Variants in ATXN1 observed in about 807,000 individuals in gnomAD.
ATXN1 encodes the protein ataxin 1.
A neutral mutation model predicts 56.4 loss-of-function variants in ATXN1; 8 were observed. That is an observed-to-expected ratio of 0.14 (90% CI 0.08 to 0.26). The LOEUF (loss-of-function observed/expected upper bound fraction) is 0.26, where lower values mean the gene tolerates loss of function less well. ATXN1 is among the 10% of genes least tolerant of loss of function. ATXN1 has a pLI of 1.00. For missense variants in ATXN1, 987 were observed against 1,106.5 expected (o/e 0.89, Z 1.53); for synonymous variants, 514 against 494.6 (o/e 1.04, Z -0.52).
intron 1 of ATXN1, among the ~76,000 whole-genome samples, chr6:16,753,560 C>T (rs1184183829): frequency 6.6e-6 from 1 of 152,192 alleles, no homozygotes; most frequent in Non-Finnish European, 1.5e-5. Flanking sequence ...GGGAGGCCAA[C>T]ATACAAAAAG....
intron 3 of ATXN1, among the ~76,000 whole-genome samples, chr6:16,592,106 C>T (rs964563285): frequency 3.3e-5 from 5 of 152,054 alleles, no homozygotes; most frequent in Non-Finnish European, 7.4e-5. Context: ...ACCTCCCCAC[C>T]ACCAGCCTGT....
chr6:16,687,543 C>T (rs1758942770), intron 2 of ATXN1, among the ~76,000 whole-genome samples: 1 of 151,282 alleles, frequency 6.6e-6, no homozygotes, highest in South Asian at 2.1e-4. Flanking sequence ...AGAGATTAAA[C>T]TCAGAGTTGT....
intron 4 of ATXN1, among the ~76,000 whole-genome samples, chr6:16,583,613 G>A (rs1331171068): frequency 6.6e-6 from 1 of 152,202 alleles, no homozygotes; most frequent in Non-Finnish European, 1.5e-5. Flanking sequence ...CAAGGCACTT[G>A]CTGTACCACA....
chr6:16,417,017 C>T (rs1414328182), intron 6 of ATXN1, among the ~76,000 whole-genome samples: 1 of 152,176 alleles, frequency 6.6e-6, no homozygotes, highest in Non-Finnish European at 1.5e-5. Flanking sequence ...GTTTTGTCAA[C>T]TTCCCCTAAG....
At chr6:16,352,686 G>A (rs1455302723) in intron 6 of ATXN1, among the ~76,000 whole-genome samples, 1 of 152,010 alleles carries the variant, frequency 6.6e-6, no homozygotes, top group Non-Finnish European at 1.5e-5. Flanking sequence ...AATAGTCCCC[G>A]CCTTATCCAT....
At chr6:16,589,249 C>G (rs1203194157) in intron 3 of ATXN1, among the ~76,000 whole-genome samples, 1 of 152,030 alleles carries the variant, frequency 6.6e-6, no homozygotes, top group Non-Finnish European at 1.5e-5. Flanking sequence ...TGTACTTGTT[C>G]CTTAACCAAG....
chr6:16,517,523 T>C (rs1245313128), intron 5 of ATXN1, among the ~76,000 whole-genome samples: 1 of 152,188 alleles, frequency 6.6e-6, no homozygotes, highest in Non-Finnish European at 1.5e-5. Context: ...AGAATGCTAA[T>C]ATTATCATAT....
chr6:16,603,702 C>T (rs1217304587), intron 3 of ATXN1, among the ~76,000 whole-genome samples: 3 of 152,078 alleles, frequency 2.0e-5, no homozygotes, highest in African/African-American at 7.2e-5. Flanking sequence ...AGAAAAGACG[C>T]GGGAGGCTTC....
At chr6:16,667,717 T>C (rs72825588) in intron 2 of ATXN1, among the ~76,000 whole-genome samples, 6,317 of 152,286 alleles carry the variant, frequency 0.041, 159 homozygotes, top group Middle Eastern at 0.075. Flanking sequence ...GTGTTATCCT[T>C]TTGAAGTGCT....
intron 4 of ATXN1, among the ~76,000 whole-genome samples, chr6:16,526,064 T>TATATATATACACAC (rs370698828): frequency 1.8e-3 from 244 of 133,308 alleles, no homozygotes; most frequent in Middle Eastern, 7.7e-3. Context: ...TATATATATA[T>TATATATATACACAC]ACATACATAC....
chr6:16,317,637 CT>C (rs1421312191), intron 7 of ATXN1, among the ~76,000 whole-genome samples: 2 of 152,042 alleles, frequency 1.3e-5, no homozygotes, highest in Non-Finnish European at 2.9e-5. Flanking sequence ...GGCCTTTATA[CT>C]TTTGTAAGCT....
intron 6 of ATXN1, among the ~76,000 whole-genome samples, chr6:16,368,343 C>CTTCTTTTTTTTTTTT (rs1354007963): frequency 1.5e-4 from 11 of 75,862 alleles, no homozygotes; most frequent in African/African-American, 3.9e-4. Flanking sequence ...ACTTCTTCTT[C>CTTCTTTTTTTTTTTT]TTTTTTTTTT....
At chr6:16,341,514 A>AT (rs1180798356) in intron 6 of ATXN1, among the ~76,000 whole-genome samples, 2,322 of 122,688 alleles carry the variant, frequency 0.019, 93 homozygotes, top group East Asian at 0.11. Flanking sequence ...GGTATAGAGG[A>AT]TTTTTTTTTT....
chr6:16,359,257 G>A (rs1029901293), intron 6 of ATXN1, among the ~76,000 whole-genome samples: 5 of 152,196 alleles, frequency 3.3e-5, no homozygotes, highest in African/African-American at 1.2e-4. Context: ...TGGGGGCCGG[G>A]CTGCCAGTCC....
chr6:16,372,609 A>G (rs868064967), intron 6 of ATXN1, among the ~76,000 whole-genome samples: 85 of 152,314 alleles, frequency 5.6e-4, no homozygotes, highest in African/African-American at 1.8e-3. Flanking sequence ...TTTATAGCTC[A>G]GACACTTTAA....
intron 4 of ATXN1, among the ~76,000 whole-genome samples, 182 bp from the exon 5 acceptor site, chr6:16,522,870 A>T (rs528411255): frequency 1.3e-5 from 2 of 152,202 alleles, no homozygotes; most frequent in Non-Finnish European, 2.9e-5. Flanking sequence ...TATGAATTTT[A>T]AAAGCAGAGC....
intron 2 of ATXN1, among the ~76,000 whole-genome samples, chr6:16,722,345 T>C (rs527454259): frequency 6.6e-6 from 1 of 152,350 alleles, no homozygotes; most frequent in East Asian, 1.9e-4. Flanking sequence ...AATCTTGAGC[T>C]TTTAATTTTA....
chr6:16,404,796 G>C (rs1397434177), intron 6 of ATXN1, among the ~76,000 whole-genome samples: 1 of 152,028 alleles, frequency 6.6e-6, no homozygotes, highest in Non-Finnish European at 1.5e-5. Flanking sequence ...ATCTCAGCCT[G>C]GGAGTCCGAC....
intron 3 of ATXN1, among the ~76,000 whole-genome samples, chr6:16,590,095 A>C (rs1458750638): frequency 2.6e-5 from 4 of 152,244 alleles, no homozygotes; most frequent in African/African-American, 9.6e-5. Context: ...TGCTAAAAAA[A>C]AAATTAGAGA....
Sources: allele counts gnomAD v4.1 joint callset (sites outside exome capture counted in the v4.1 genomes callset), GRCh38; gene constraint gnomAD v4.1.1; transcripts MANE v1.5; gene names NCBI Gene and HGNC (gene_info 2026-07-23, HGNC 2026-07-21).